Variants in GRAMD2A observed in about 807,000 individuals in gnomAD.
GRAMD2A encodes GRAM domain-containing protein 2A.
Under a neutral mutation model 51.1 loss-of-function variants are expected in GRAMD2A, and 37 were observed. The ratio of observed to expected loss-of-function variants is 0.72; its 90% CI spans 0.56 to 0.95. GRAMD2A has a LOEUF of 0.95. Among genes scored for constraint, GRAMD2A ranks in the 40% least tolerant of loss-of-function variants. The probability of loss-of-function intolerance (pLI) is 0.00; values close to 1 mark genes in which losing one functional copy is unlikely to be tolerated. For missense variants in GRAMD2A, 414 were observed against 426.9 expected (o/e 0.97, Z 0.27); for synonymous variants, 136 against 157.1 (o/e 0.87, Z 1.01).
intron 1 of GRAMD2A, among the ~76,000 whole-genome samples, chr15:72,191,422 C>G (rs958880662): frequency 6.6e-5 from 10 of 152,140 alleles, no homozygotes; most frequent in African/African-American, 2.4e-4. Context: ...AGGCTGGTCT[C>G]AAACTCCTGA....
intron 1 of GRAMD2A, among the ~76,000 whole-genome samples, chr15:72,188,508 A>G (rs1270230487): frequency 9.2e-5 from 14 of 152,206 alleles, no homozygotes; most frequent in Admixed American, 9.2e-4. Flanking sequence ...TAAAAAGTCT[A>G]TATTAACATG....
chr15:72,196,708 G>C (rs2081807689), intron 1 of GRAMD2A, among the ~76,000 whole-genome samples: 1 of 152,072 alleles, frequency 6.6e-6, no homozygotes, highest in Non-Finnish European at 1.5e-5. Flanking sequence ...CGTTCCCTAG[G>C]AGCCTGGCCC....
In GRAMD2A at chr15:72,163,676, T is replaced by C. The variant is rs2140543241; in HGVS notation, c.682A>G (p.Ile228Val). ...GTGGAGTCCACGGATGATGGAGGGA[T>C]ACAAGGGATGTTGTCTGGGAGAGAC... Reference protein sequence around the residue: ...SLSLPDNIPCIPPSSVDSTDS... With the variant: ...SLSLPDNIPCVPPSSVDSTDS... The change falls in exon 9 of 12, where the codon ATC becomes GTC. Residue 228 changes from isoleucine to valine, a missense_variant. Transcript: ENST00000309731. 6.2e-7 allele frequency: 1 copy of C among 1,609,056 alleles called. No individual in the cohort carries two copies. Among genetic ancestry groups the C allele is most frequent in the Non-Finnish European group, 8.5e-7 (1 of 1,178,702 alleles).
intron 1 of GRAMD2A, among the ~76,000 whole-genome samples, chr15:72,189,008 T>C (rs944765099): frequency 1.3e-5 from 2 of 152,164 alleles, no homozygotes; most frequent in African/African-American, 4.8e-5. Flanking sequence ...GGTTTTGATC[T>C]TAAAAGTATT....
At chr15:72,196,231 G>A (rs1433683331) in intron 1 of GRAMD2A, among the ~76,000 whole-genome samples, 1 of 152,202 alleles carries the variant, frequency 6.6e-6, no homozygotes, top group South Asian at 2.1e-4. Flanking sequence ...GAGGGGGCCA[G>A]GCACGTGGCT....
intron 1 of GRAMD2A, among the ~76,000 whole-genome samples, chr15:72,189,236 T>C (rs573474965): frequency 2.4e-4 from 37 of 152,362 alleles, no homozygotes; most frequent in Non-Finnish European, 1.0e-4. Flanking sequence ...CATTCTTCAC[T>C]ACATGGAAAC....
At position 72,168,478 on chromosome 15, in the gene GRAMD2A, G is replaced by A. The variant is rs777791404; in HGVS notation, c.268+13C>T. The stretch of plus-strand genomic sequence containing the variant: ...TCTGGGTGCCTAACCAGCTATACCG[G>A]GAGACAGCTCACCTTTGAGAACCAC... On this transcript the variant is annotated intron_variant, in intron 4 of 11. Coordinates refer to ENST00000309731, the MANE Select transcript of GRAMD2A (RefSeq NM_001012642.3). The A allele has an allele frequency of 1.2e-6, 2 of 1,607,364 alleles. No homozygotes were observed. Among genetic ancestry groups the A allele is most frequent in the Non-Finnish European group, 1.7e-6 (2 of 1,174,206 alleles).
intron 11 of GRAMD2A, 51 bp from the exon 12 acceptor site, chr15:72,162,063 G>T: frequency 6.2e-7 from 1 of 1,611,786 alleles, no homozygotes; most frequent in East Asian, 2.2e-5. Context: ...GAATGCAGAC[G>T]GACGTGGGCA....
intron 1 of GRAMD2A, among the ~76,000 whole-genome samples, chr15:72,195,872 A>T (rs1236518882): frequency 6.6e-6 from 1 of 152,158 alleles, no homozygotes; most frequent in Non-Finnish European, 1.5e-5. Flanking sequence ...GTGAGCCGAG[A>T]TCACGCCATT....
At chr15:72,183,771 T>C (rs2081715559) in intron 1 of GRAMD2A, among the ~76,000 whole-genome samples, 1 of 152,240 alleles carries the variant, frequency 6.6e-6, no homozygotes, top group Non-Finnish European at 1.5e-5. Flanking sequence ...AACGCAATGC[T>C]GAAGTCTGCT....
chr15:72,178,209 GT>G, intron 1 of GRAMD2A, among the ~76,000 whole-genome samples: 1 of 152,306 alleles, frequency 6.6e-6, no homozygotes, highest in East Asian at 1.9e-4. Context: ...GCCCTCTTGA[GT>G]TTCAGGAACT....
chr15:72,165,166 C>A (rs915762653), intron 8 of GRAMD2A, among the ~76,000 whole-genome samples, 188 bp downstream of exon 8: 1 of 152,206 alleles, frequency 6.6e-6, no homozygotes, highest in African/African-American at 2.4e-5. Flanking sequence ...GAAAGCCTAT[C>A]TGCTGAGGCC....
Position 72,168,947 on chromosome 15 carries a change from G to T in GRAMD2A, c.184C>A (p.Arg62=), listed in dbSNP as rs201683821. 6.2e-7 allele frequency: 1 copy of T among 1,613,988 alleles called. No individual in the cohort carries two copies. Among genetic ancestry groups the T allele is most frequent in the Non-Finnish European group, 8.5e-7 (1 of 1,179,840 alleles). Reference sequence around the variant, plus strand: ...TCAGCCTCCAGACTTACCCCTTCTCGGCCACACTTCTTTATCTCTTCACCC... The same window carrying T: ...TCAGCCTCCAGACTTACCCCTTCTCTGCCACACTTCTTTATCTCTTCACCC... ...LKGEEIKKCG[R]EGITLNKYNQ... is the part of the protein sequence containing the mutation. The change falls in exon 3 of 12, where the codon CGA becomes AGA. Residue 62 remains arginine (R), a synonymous_variant. Coordinates refer to ENST00000309731, the MANE Select transcript of GRAMD2A (RefSeq NM_001012642.3).
intron 1 of GRAMD2A, among the ~76,000 whole-genome samples, chr15:72,190,529 C>A (rs1469222759): frequency 1.3e-5 from 2 of 152,232 alleles, no homozygotes; most frequent in African/African-American, 2.4e-5. Flanking sequence ...CTCCACAACT[C>A]TCTGTTCTCT....
Position 72,163,735 on chromosome 15 carries a change from T to G in GRAMD2A, c.623A>C (p.Lys208Thr). 1 of 1,608,814 alleles carries G rather than the reference T, an allele frequency of 6.2e-7. No individual in the cohort carries two copies. The highest frequency in any genetic ancestry group is 2.2e-5 in the East Asian group (1 of 44,862). ...GGAGGAAGGGCATACCTTTCTCCAC[T>G]TCATCTCAGGGATGAGGACTTCCTG... ...ESLEVLIPEM[K>T]WRKVCPSSRS... The change falls in exon 9 of 12, where the codon AAG becomes ACG. Residue 208 changes from lysine (K) to threonine (T), a missense_variant. Coordinates refer to ENST00000309731, the MANE Select transcript of GRAMD2A (RefSeq NM_001012642.3).
In GRAMD2A at chr15:72,163,306, T is replaced by C. The variant is rs760231911; in HGVS notation, c.916A>G (p.Arg306Gly). The change falls in exon 10 of 12, where the codon AGG becomes GGG. Residue 306 changes from arginine to glycine, a missense_variant. Arg to Gly is a moderately radical substitution (Grantham distance 125). Transcript: ENST00000309731. ...EEEPRSTGEL[R>G]LWDYRLLKVF... ...TTGAGGAGCCGGTAATCCCAGAGCC[T>C]CAGCTCCCCAGTGCTCCTGGGCTCC... The C allele has an allele frequency of 5.0e-6, 8 of 1,613,978 alleles. 1 individual carries two copies. The highest frequency in any genetic ancestry group is 6.8e-6 in the Non-Finnish European group (8 of 1,179,992).
intron 1 of GRAMD2A, among the ~76,000 whole-genome samples, chr15:72,173,380 G>A (rs2081628033): frequency 6.6e-6 from 1 of 152,136 alleles, no homozygotes; most frequent in Non-Finnish European, 1.5e-5. Context: ...GCCTAGGTGA[G>A]TAGTCCCTGC....
chr15:72,176,707 C>T (rs1021618135), intron 1 of GRAMD2A: 1 of 152,432 alleles, frequency 6.6e-6, no homozygotes, highest in Non-Finnish European at 1.5e-5. Flanking sequence ...ACTCTTCCCC[C>T]CAGTGGCTGC....
At chr15:72,197,538 C>T (rs1567094101) in intron 1 of GRAMD2A, among the ~76,000 whole-genome samples, 193 bp downstream of exon 1, 1 of 152,076 alleles carries the variant, frequency 6.6e-6, no homozygotes, top group African/African-American at 2.4e-5. Context: ...CCTCGCGGGC[C>T]CCGGGAGACG....
Sources: gnomAD v4.1 joint callset for allele counts (sites outside exome capture counted in the v4.1 genomes callset) on GRCh38, gnomAD v4.1.1 for gene constraint, MANE v1.5 for transcripts, NCBI Gene and HGNC (gene_info 2026-07-23, HGNC 2026-07-21) for gene names.